The following NPIPB5 variants were observed in gnomAD, a reference collection of about 807,000 sequenced individuals.
The protein encoded by NPIPB5 is nuclear pore complex-interacting protein family member B5.
For synonymous variants in NPIPB5, 1 was observed against 168.2 expected (o/e 0.01, Z 7.69); for missense variants, 10 against 414.7 (o/e 0.02, Z 8.48).
intron 1 of NPIPB5, among the ~76,000 whole-genome samples, chr16:22,514,826 T>G (rs1352074206): frequency 0.03 from 261 of 8,820 alleles, 8 homozygotes; most frequent in Middle Eastern, 0.083. Context: ...TTTTTGAGAT[T>G]TATATAGATA....
exon 7 of NPIPB5, chr16:22,535,336 C>T (rs1449437441): frequency 1.3e-3 from 2 of 1,508 alleles, no homozygotes; most frequent in South Asian, 0.017. Flanking sequence ...CTGCGGGGGC[C>T]GCTTCCACCC....
intron 4 of NPIPB5, among the ~76,000 whole-genome samples, chr16:22,529,799 C>G (rs2141920217): frequency 2.6e-5 from 1 of 39,104 alleles, no homozygotes; most frequent in East Asian, 5.7e-4. Flanking sequence ...GCTTCCTTAG[C>G]TTCCCTCCAG....
At chr16:22,528,726 CAG>C (rs1875352129) in intron 4 of NPIPB5, among the ~76,000 whole-genome samples, 2 of 15,368 alleles carry the variant, frequency 1.3e-4, no homozygotes, top group Non-Finnish European at 1.7e-4. Flanking sequence ...TTTTTTGAGA[CAG>C]AGTCTCACTC....
intron 4 of NPIPB5, among the ~76,000 whole-genome samples, chr16:22,528,804 A>G (rs2049844084): frequency 6.9e-6 from 1 of 143,950 alleles, no homozygotes; most frequent in Non-Finnish European, 1.5e-5. Flanking sequence ...CCCAGGTTCA[A>G]GCGATTCTTA....
rs1371925447 is a variant in NPIPB5, at chr16:22,529,538, GCTGTGCTT to G, written c.545+1568_545+1575del. Among the ~76,000 whole-genome samples, 17 of 148,448 alleles carry G rather than the reference GCTGTGCTT, an allele frequency of 1.1e-4. No homozygotes were observed. In the South Asian group the frequency reaches 3.7e-3, roughly 32 times the overall value. On this transcript the variant is annotated intron_variant, in intron 4 of 6. Transcript: ENST00000424340. ...AATCCCACGCATGTGTGCAAAAGCT[GCTGTGCTT>G]CTTTGCATCTCAGTAGTTCCTTCTG...
chr16:22,528,995 G>A (rs1242842878), intron 4 of NPIPB5, among the ~76,000 whole-genome samples: 35 of 135,750 alleles, frequency 2.6e-4, no homozygotes, highest in African/African-American at 7.5e-4. Context: ...CACCGTGCCC[G>A]GCCCAATTTT....
At chr16:22,528,486 G>A (rs1222036020) in intron 4 of NPIPB5, among the ~76,000 whole-genome samples, 1 of 99,060 alleles carries the variant, frequency 1.0e-5, no homozygotes, top group African/African-American at 4.3e-5. Context: ...CCAAAGTGCT[G>A]GGATTAGAGG....
intron 1 of NPIPB5, among the ~76,000 whole-genome samples, chr16:22,518,321 C>T (rs1203133447): frequency 2.5e-4 from 1 of 3,950 alleles, no homozygotes; most frequent in Admixed American, 1.7e-3. Flanking sequence ...TTTACAATAA[C>T]CTTATGTCAT....
At chr16:22,528,692 A>ATTTTTTTTTTTTTTTTTT (rs1175345253) in intron 4 of NPIPB5, among the ~76,000 whole-genome samples, 4 of 49,202 alleles carry the variant, frequency 8.1e-5, no homozygotes, top group South Asian at 1.0e-3. Context: ...CATTTGACCA[A>ATTTTTTTTTTTTTTTTTT]TTTTTTTTTT....
rs1175345253 is a variant in NPIPB5 at position 22,528,692 on chromosome 16, A to ATTTTTTTTTTT, written c.545+738_545+748dup. ...AGGTGTGTGCCACCACATTTGACCA[A>ATTTTTTTTTTT]TTTTTTTTTTTTTTTTTTTTTTTTT... On this transcript the variant is annotated intron_variant, in intron 4 of 6. Transcript: ENST00000424340. Among the ~76,000 whole-genome samples the ATTTTTTTTTTT allele has an allele frequency of 4.0e-3, 196 of 49,214 alleles. 8 individuals carry two copies. Among genetic ancestry groups the ATTTTTTTTTTT allele is most frequent in the African/African-American group, 8.3e-3 (85 of 10,226 alleles). The allele number at this position is 49,214 out of a possible 152,430, so 32.3% of individuals were successfully genotyped here.
Position 22,517,946 on chromosome 16 carries a change from C to T in NPIPB5, c.120+4025C>T, listed in dbSNP as rs1238069737. ...TGTTGCTGTTTTTGAGACAGAGTCT[C>T]GCTCTGTCGCCTAGGCTGGAGTGCA... is the stretch of plus-strand genomic sequence containing the variant. On this transcript the variant is annotated intron_variant, in intron 1 of 6. Transcript: ENST00000424340. 4.4e-5 allele frequency among the ~76,000 whole-genome samples: 6 copies of T among 137,522 alleles called. 1 individual carries two copies. The highest frequency in any genetic ancestry group is 4.9e-4 in the South Asian group (2 of 4,094). 90.2% of individuals were successfully genotyped at this position (137,522 alleles called of 152,430 possible).
exon 7 of NPIPB5, chr16:22,535,898 G>A (rs376086180): frequency 1.0e-3 from 2 of 1,912 alleles, no homozygotes; most frequent in South Asian, 2.6e-3. Context: ...CCTTCCGAGC[G>A]TCAGCTCACT....
chr16:22,528,691 A>ATTTTTTTTTTTTT (rs2049838929), intron 4 of NPIPB5, among the ~76,000 whole-genome samples: 1 of 25,344 alleles, frequency 3.9e-5, no homozygotes, highest in South Asian at 1.1e-3. Context: ...ACATTTGACC[A>ATTTTTTTTTTTTT]ATTTTTTTTT....
chr16:22,529,483 GC>G (rs1241337069), intron 4 of NPIPB5, among the ~76,000 whole-genome samples: 1 of 147,286 alleles, frequency 6.8e-6, no homozygotes, highest in Non-Finnish European at 1.5e-5. Flanking sequence ...GCTTTCATTG[GC>G]AGACCCTCAA....
chr16:22,528,679 C>T (rs1358312660), intron 4 of NPIPB5, among the ~76,000 whole-genome samples: 51 of 125,136 alleles, frequency 4.1e-4, no homozygotes, highest in Middle Eastern at 4.6e-3. Flanking sequence ...GTGTGTGCCA[C>T]CACATTTGAC....
chr16:22,528,692 A>ATTTGTTTTTTTTT (rs2049839457), intron 4 of NPIPB5, among the ~76,000 whole-genome samples: 2 of 49,192 alleles, frequency 4.1e-5, no homozygotes, highest in African/African-American at 2.0e-4. Flanking sequence ...CATTTGACCA[A>ATTTGTTTTTTTTT]TTTTTTTTTT....
downstream of NPIPB5, chr16:22,536,532 CTTATG>C (rs2049914078): frequency 6.7e-6 from 1 of 149,330 alleles, no homozygotes; most frequent in African/African-American, 2.5e-5. Context: ...TACTGCAGTC[CTTATG>C]TTATTGCTTT....
intron 1 of NPIPB5, among the ~76,000 whole-genome samples, chr16:22,518,152 A>G (rs2049806404): frequency 2.3e-5 from 1 of 42,868 alleles, no homozygotes; most frequent in Non-Finnish European, 4.8e-5. Context: ...TGACCTTGTG[A>G]TCCGCCCACC....
chr16:22,510,805 A>T (rs2049777499), upstream of NPIPB5, among the ~76,000 whole-genome samples: 2 of 89,992 alleles, frequency 2.2e-5, 1 homozygote, highest in Admixed American at 2.1e-4. Context: ...AATCAGAATC[A>T]TGACTGACAG....
Sources: gnomAD v4.1 joint callset for allele counts (sites outside exome capture counted in the v4.1 genomes callset) on GRCh38, gnomAD v4.1.1 for gene constraint, MANE v1.5 for transcripts, NCBI Gene and HGNC (gene_info 2026-07-23, HGNC 2026-07-21) for gene names.